The following PRPSAP1 variants were observed in gnomAD, a reference collection of about 807,000 sequenced individuals.
The protein encoded by PRPSAP1 is phosphoribosyl pyrophosphate synthetase associated protein 1.
Under a neutral mutation model 39.4 loss-of-function variants are expected in PRPSAP1, and 31 were observed. The observed-to-expected ratio is 0.79, with a 90% CI of 0.59 to 1.06. PRPSAP1 has a LOEUF of 1.06. PRPSAP1 is among the 50% of genes least tolerant of loss of function. PRPSAP1 has a pLI of 0.00. For missense variants in PRPSAP1, 430 were observed against 511.6 expected (o/e 0.84, Z 1.54); for synonymous variants, 212 against 192.6 (o/e 1.10, Z -0.83).
rs1214223054 is a variant in PRPSAP1, at chr17:76,328,852, AG to A, written c.645del (p.Tyr216MetfsTer46). On this transcript the variant is annotated frameshift_variant, in exon 7 of 10. Transcript: ENST00000446526. LOFTEE classifies it high-confidence loss of function. Reference sequence around the variant, plus strand: ...AAACCCAGACGCAGTCTCTCCGCATAGGACTGGGCCCTAGAAGGACAAAGGG... The same window carrying A: ...AAACCCAGACGCAGTCTCTCCGCATAGACTGGGCCCTAGAAGGACAAAGGG... ...KSPDAAKRAQSYAERLRLGLA... is the reference protein window; with the variant it reads ...KSPDAAKRAQXYAERLRLGLA... 18 of 1,612,928 alleles carry A rather than the reference AG, an allele frequency of 1.1e-5. No individual in the cohort carries two copies. The highest frequency in any genetic ancestry group is 1.5e-5 in the Non-Finnish European group (18 of 1,179,562).
intron 6 of PRPSAP1, 28 bp downstream of exon 6, chr17:76,330,015 G>A: frequency 1.2e-6 from 2 of 1,605,132 alleles, no homozygotes; most frequent in Non-Finnish European, 8.5e-7. Flanking sequence ...ACTCAGGAGG[G>A]ATCAGGACCC....
chr17:76,311,579 ATGGACTCTCCATTG>A lies in PRPSAP1; in HGVS notation c.1107_1120del (p.Asn370GlyfsTer11). ...AGTGATGTTTCGGAAAAGGTAGGCC[ATGGACTCTCCATTG>A]TGGATTCTCCGAATGGCTTCAGAAA... On this transcript the variant is annotated frameshift_variant, in exon 10 of 10. Transcript: ENST00000446526. LOFTEE classifies it high-confidence loss of function. 6.2e-7 allele frequency: 1 copy of A among 1,614,226 alleles called. No homozygotes were observed. Among genetic ancestry groups the A allele is most frequent in the Non-Finnish European group, 8.5e-7 (1 of 1,180,034 alleles).
chr17:76,335,765 T>C (rs769974505), intron 3 of PRPSAP1, among the ~76,000 whole-genome samples: 7 of 152,144 alleles, frequency 4.6e-5, no homozygotes, highest in African/African-American at 7.2e-5. Flanking sequence ...GGCAGGAGTA[T>C]TGCTTGAAGC....
chr17:76,330,691 CAA>C (rs1567803484), intron 4 of PRPSAP1, 25 bp from the exon 5 acceptor site: 1 of 1,492,084 alleles, frequency 6.7e-7, no homozygotes, highest in South Asian at 1.2e-5. Flanking sequence ...CAAAAAATTA[CAA>C]AGTTCACCCC....
At chr17:76,330,276 T>G (rs986659147) in intron 5 of PRPSAP1, 178 bp from the exon 6 acceptor site, 4 of 603,246 alleles carry the variant, frequency 6.6e-6, no homozygotes, top group Admixed American at 6.4e-5. Context: ...GAAAAAGCAC[T>G]CCTACGTCAA....
chr17:76,319,661 G>T (rs2071167049), intron 7 of PRPSAP1, among the ~76,000 whole-genome samples: 1 of 151,794 alleles, frequency 6.6e-6, no homozygotes, highest in African/African-American at 2.4e-5. Context: ...TAGAGACGGG[G>T]TTTCACCGTG....
At position 76,353,600 on chromosome 17, in the gene PRPSAP1, G is replaced by A. The variant is rs763374509; in HGVS notation, c.104C>T (p.Thr35Ile). 6 of 1,560,236 alleles carry A rather than the reference G, an allele frequency of 3.8e-6. No individual in the cohort carries two copies. The highest frequency in any genetic ancestry group is 5.2e-6 in the Non-Finnish European group (6 of 1,158,220). ...GTTGGCCGAGAAGACTCGGTAGCCG[G>A]TGCGAGCGGCGTTCATGGCCGGCGG... ...VPPPAMNAAR[T>I]GYRVFSANST... Residue 35 changes from threonine (T) to isoleucine (I), a missense_variant, in exon 1 of 10, where the codon ACC (threonine) becomes ATC (isoleucine). By Grantham distance (89) the Thr-to-Ile change is moderately conservative. Transcript: ENST00000446526.
At chr17:76,328,946 A>G (rs1356443032) in intron 6 of PRPSAP1, 84 bp from the exon 7 acceptor site, 3 of 1,436,134 alleles carry the variant, frequency 2.1e-6, no homozygotes, top group Non-Finnish European at 2.8e-6. Flanking sequence ...CATAAAATGA[A>G]AATATTTAAC....
chr17:76,338,611 G>A (rs1468112533), intron 3 of PRPSAP1, among the ~76,000 whole-genome samples: 1 of 152,014 alleles, frequency 6.6e-6, no homozygotes. Flanking sequence ...GCTGAGACAG[G>A]AGAATTGCTT....
At chr17:76,340,145 C>CAAAA (rs71161288) in intron 3 of PRPSAP1, among the ~76,000 whole-genome samples, 1 of 77,786 alleles carries the variant, frequency 1.3e-5, no homozygotes. Flanking sequence ...GGCCTTGTCT[C>CAAAA]AAAAAAAAAA....
At chr17:76,352,826 C>T (rs1312141310) in intron 1 of PRPSAP1, among the ~76,000 whole-genome samples, 1 of 152,078 alleles carries the variant, frequency 6.6e-6, no homozygotes, top group Non-Finnish European at 1.5e-5. Context: ...TCAGGGAAAT[C>T]AAGTCTCTTG....
At chr17:76,349,408 T>A (rs963488516) in intron 1 of PRPSAP1, among the ~76,000 whole-genome samples, 1 of 152,116 alleles carries the variant, frequency 6.6e-6, no homozygotes, top group African/African-American at 2.4e-5. Context: ...TTTTAAGTCC[T>A]GATTAGTAAG....
At chr17:76,334,910 TCATCCATG>T in intron 3 of PRPSAP1, among the ~76,000 whole-genome samples, 1 of 152,266 alleles carries the variant, frequency 6.6e-6, no homozygotes, top group Middle Eastern at 3.4e-3. Flanking sequence ...TTTTAGTTCA[TCATCCATG>T]CAACACATAT....
intron 3 of PRPSAP1, among the ~76,000 whole-genome samples, chr17:76,333,036 C>A (rs1026103785): frequency 1.3e-5 from 2 of 151,838 alleles, no homozygotes; most frequent in African/African-American, 2.4e-5. Context: ...GGACTACAGG[C>A]GCCCGCCACC....
chr17:76,349,558 C>T lies in PRPSAP1; in HGVS notation c.171-977G>A, dbSNP rs147453641. ...GGCGGATCACCTGAGGTCAGGAGTT[C>T]GAGACCAGCCTAACTAATATAATAA... On this transcript the variant is annotated intron_variant, in intron 1 of 9. Coordinates refer to ENST00000446526, the MANE Select transcript of PRPSAP1 (RefSeq NM_002766.3). Among the ~76,000 whole-genome samples, 1,071 of 151,880 alleles carry T rather than the reference C, an allele frequency of 7.1e-3. 7 individuals are homozygous for T. Among genetic ancestry groups the T allele is most frequent in the Middle Eastern group, 0.031 (9 of 294 alleles).
At chr17:76,319,255 C>T (rs1799469377) in intron 7 of PRPSAP1, 1 of 151,608 alleles carries the variant, frequency 6.6e-6, no homozygotes, top group South Asian at 2.1e-4. Flanking sequence ...CGGTCTTTAT[C>T]CCACAACATA....
At chr17:76,325,762 G>T (rs541113284) in intron 7 of PRPSAP1, among the ~76,000 whole-genome samples, 1 of 151,450 alleles carries the variant, frequency 6.6e-6, no homozygotes, top group Non-Finnish European at 1.5e-5. Context: ...CCGCCACTAC[G>T]CCCGGCTAAT....
intron 2 of PRPSAP1, among the ~76,000 whole-genome samples, chr17:76,347,978 G>A (rs1279726681): frequency 6.6e-6 from 1 of 152,180 alleles, no homozygotes; most frequent in African/African-American, 2.4e-5. Flanking sequence ...CCAGCCTACA[G>A]GGTAGGAGTA....
chr17:76,327,222 C>A (rs2071264464), intron 7 of PRPSAP1, among the ~76,000 whole-genome samples: 1 of 151,916 alleles, frequency 6.6e-6, no homozygotes, highest in Non-Finnish European at 1.5e-5. Flanking sequence ...GTGGTGTGTG[C>A]CTGAAGTCAC....
Sources: gnomAD v4.1 joint callset for allele counts (sites outside exome capture counted in the v4.1 genomes callset) on GRCh38, gnomAD v4.1.1 for gene constraint, MANE v1.5 for transcripts, NCBI Gene and HGNC (gene_info 2026-07-23, HGNC 2026-07-21) for gene names.